The following COL26A1 variants were observed in gnomAD, a reference collection of about 807,000 sequenced individuals.
COL26A1 encodes the protein collagen type XXVI alpha 1 chain, also known as collagen alpha-1(XXVI) chain.
In COL26A1, 41 loss-of-function variants were observed where a neutral mutation model predicts 59.3. The observed-to-expected ratio is 0.69, with a 90% CI of 0.54 to 0.90. The LOEUF (loss-of-function observed/expected upper bound fraction) is 0.90, where lower values mean the gene tolerates loss of function less well. Ranked by LOEUF, COL26A1 falls within the 40% of genes least tolerant of loss-of-function variation. The pLI, the probability that COL26A1 is intolerant of heterozygous loss-of-function variation, is 0.00. For synonymous variants in COL26A1, 266 were observed against 256.0 expected, an observed-to-expected ratio of 1.04 and a Z score of -0.37; for missense variants, 612 against 602.3, an observed-to-expected ratio of 1.02 and a Z score of -0.17.
At chr7:101,486,807 C>T (rs561388022) in intron 3 of COL26A1, among the ~76,000 whole-genome samples, 3 of 152,322 alleles carry the variant, frequency 2.0e-5, no homozygotes, top group Non-Finnish European at 2.9e-5. Flanking sequence ...TCCTGCCCAG[C>T]GGATCAGAAA....
chr7:101,465,902 G>A (rs552819785), intron 3 of COL26A1, among the ~76,000 whole-genome samples: 2 of 152,256 alleles, frequency 1.3e-5, no homozygotes, highest in East Asian at 3.9e-4. Flanking sequence ...TTGTGGGAAT[G>A]AGTGTGTGCA....
chr7:101,442,842 T>G (rs1442151583), intron 2 of COL26A1, among the ~76,000 whole-genome samples: 1 of 152,090 alleles, frequency 6.6e-6, no homozygotes, highest in East Asian at 1.9e-4. Context: ...CACGTGTTTG[T>G]GTGAGTGCGT....
intron 1 of COL26A1, among the ~76,000 whole-genome samples, chr7:101,414,517 A>T (rs940756699): frequency 6.6e-6 from 1 of 151,642 alleles, no homozygotes; most frequent in African/African-American, 2.4e-5. Flanking sequence ...GGCTCACTGC[A>T]ACCTCTACCT....
intron 3 of COL26A1, among the ~76,000 whole-genome samples, chr7:101,518,352 C>T (rs1188259955): frequency 1.3e-5 from 2 of 152,186 alleles, no homozygotes; most frequent in African/African-American, 4.8e-5. Context: ...GGCCGCTCCC[C>T]ACCCCACCAC....
At chr7:101,526,305 G>A (rs1177991722) in intron 3 of COL26A1, among the ~76,000 whole-genome samples, 3 of 152,082 alleles carry the variant, frequency 2.0e-5, no homozygotes, top group Non-Finnish European at 2.9e-5. Context: ...CACCTCAACT[G>A]CCCAAAGTGC....
intron 2 of COL26A1, among the ~76,000 whole-genome samples, chr7:101,433,681 G>C (rs976685918): frequency 3.9e-5 from 6 of 152,102 alleles, no homozygotes; most frequent in African/African-American, 7.2e-5. Context: ...GGAAAGGACA[G>C]CTGCAGGGAC....
chr7:101,405,679 G>T (rs1792112822), intron 1 of COL26A1, among the ~76,000 whole-genome samples: 1 of 152,102 alleles, frequency 6.6e-6, no homozygotes. Context: ...TATAGAAAGC[G>T]CTTGGCACCA....
intron 3 of COL26A1, among the ~76,000 whole-genome samples, chr7:101,508,012 G>C (rs1794848744): frequency 6.6e-6 from 1 of 152,088 alleles, no homozygotes; most frequent in Non-Finnish European, 1.5e-5. Flanking sequence ...CGCCCTCTAG[G>C]GTTGTGCAAA....
chr7:101,557,791 G>T lies in COL26A1; in HGVS notation c.*261G>T, dbSNP rs1165173023. 1.6e-5 allele frequency: 7 copies of T among 440,122 alleles called. No individual in the cohort carries two copies. The highest frequency in any genetic ancestry group is 2.4e-5 in the Non-Finnish European group (6 of 246,764). The allele number at this position is 440,122 out of a possible 1,614,324, so 27.3% of individuals were successfully genotyped here. A position where few individuals can be genotyped will look rare whatever the true frequency, so the allele number is the denominator to read the frequency against. On this transcript the variant is annotated 3_prime_UTR_variant, in exon 13 of 13. Transcript: ENST00000313669. Reference sequence around the variant, plus strand: ...GAGACGGGGTCTGGGTGGGCTGGGTGCTGGGAATGAGAATAATCCTAATAC... The same window carrying T: ...GAGACGGGGTCTGGGTGGGCTGGGTTCTGGGAATGAGAATAATCCTAATAC...
chr7:101,378,006 G>A (rs980356943), intron 1 of COL26A1, among the ~76,000 whole-genome samples: 1 of 152,154 alleles, frequency 6.6e-6, no homozygotes, highest in Non-Finnish European at 1.5e-5. Flanking sequence ...CTCGGACTCA[G>A]GTGATCCTCG....
chr7:101,431,353 G>T (rs2130318696), intron 2 of COL26A1, among the ~76,000 whole-genome samples: 1 of 152,088 alleles, frequency 6.6e-6, no homozygotes, highest in South Asian at 2.1e-4. Flanking sequence ...TCGACCTCCT[G>T]GGCTTAAGCA....
In COL26A1 at chr7:101,363,135, C is replaced by T. The variant is rs1286192225; in HGVS notation, c.103C>T (p.His35Tyr). The change falls in exon 1 of 13, where the codon CAC becomes TAC. Residue 35 changes from histidine to tyrosine, a missense_variant. His to Tyr is a moderately conservative substitution (Grantham distance 83). Transcript: ENST00000313669. ...YPFSAAALQQ[H>Y]GYPEPGAGSP... ...CTTCTCGGCCGCAGCTCTGCAGCAG[C>T]ACGGCTACCCCGAGCCCGGCGCCGG... 1.3e-6 allele frequency: 2 copies of T among 1,523,216 alleles called. No individual in the cohort carries two copies. Among genetic ancestry groups the T allele is most frequent in the South Asian group, 2.4e-5 (2 of 82,670 alleles). 94.4% of individuals were successfully genotyped at this position (1,523,216 alleles called of 1,614,324 possible).
At chr7:101,480,595 T>C (rs1451753543) in intron 3 of COL26A1, among the ~76,000 whole-genome samples, 2 of 152,076 alleles carry the variant, frequency 1.3e-5, no homozygotes, top group Non-Finnish European at 2.9e-5. Flanking sequence ...TGACCTTCTG[T>C]ACTCGAGTGA....
intron 1 of COL26A1, among the ~76,000 whole-genome samples, chr7:101,407,794 A>G (rs941820415): frequency 6.6e-6 from 1 of 152,114 alleles, no homozygotes; most frequent in East Asian, 1.9e-4. Flanking sequence ...TTCCATGGCA[A>G]TGACCTGATA....
intron 3 of COL26A1, among the ~76,000 whole-genome samples, chr7:101,487,982 T>G (rs1367519130): frequency 6.6e-6 from 1 of 151,980 alleles, no homozygotes; most frequent in African/African-American, 2.4e-5. Context: ...TTTAAAAAAA[T>G]TGTGATTAGG....
chr7:101,509,889 G>A lies in COL26A1; in HGVS notation c.386-23193G>A, dbSNP rs900876961. Among the ~76,000 whole-genome samples, 6 of 150,924 alleles carry A rather than the reference G, an allele frequency of 4.0e-5. No homozygotes were observed. The East Asian group carries it at 7.9e-4, about 20-fold the overall frequency. On this transcript the variant is annotated intron_variant, in intron 3 of 12. Transcript: ENST00000313669. ...ACTACAGGTGTGCACCACCACGCACGGCTAATTTTTGTATTTTTAGTAGAA... is the reference window on the plus strand; with the variant it reads ...ACTACAGGTGTGCACCACCACGCACAGCTAATTTTTGTATTTTTAGTAGAA...
intron 3 of COL26A1, among the ~76,000 whole-genome samples, chr7:101,455,714 G>C (rs967892940): frequency 2.0e-5 from 3 of 151,544 alleles, no homozygotes; most frequent in African/African-American, 7.3e-5. Context: ...ATGGAGCCTA[G>C]CTCTGTCACC....
At chr7:101,446,206 T>TA (rs1428142055) in intron 2 of COL26A1, among the ~76,000 whole-genome samples, 4 of 152,234 alleles carry the variant, frequency 2.6e-5, no homozygotes, top group Non-Finnish European at 1.5e-5. Context: ...AATCACCTCC[T>TA]ACCAGGCTTC....
At chr7:101,369,745 C>G (rs1047017257) in intron 1 of COL26A1, among the ~76,000 whole-genome samples, 2 of 152,060 alleles carry the variant, frequency 1.3e-5, no homozygotes, top group African/African-American at 4.8e-5. Flanking sequence ...AAATGGCAAA[C>G]ACATGTTTAA....
Sources: gnomAD v4.1 joint callset for allele counts (sites outside exome capture counted in the v4.1 genomes callset) on GRCh38, gnomAD v4.1.1 for gene constraint, MANE v1.5 for transcripts, NCBI Gene and HGNC (gene_info 2026-07-23, HGNC 2026-07-21) for gene names.